Variants in AHI1 observed in about 807,000 individuals in gnomAD.
AHI1 encodes the protein jouberin.
A neutral mutation model predicts 149.3 loss-of-function variants in AHI1; 123 were observed. That is an observed-to-expected ratio of 0.82 (90% confidence interval 0.71 to 0.96). The LOEUF (loss-of-function observed/expected upper bound fraction) is 0.96, where lower values mean the gene tolerates loss of function less well. AHI1 is among the 40% of genes least tolerant of loss of function. The probability of loss-of-function intolerance (pLI) is 0.00; values close to 1 mark genes in which losing one functional copy is unlikely to be tolerated. For missense variants in AHI1, 1,439 were observed against 1,422.7 expected, an observed-to-expected ratio of 1.01 and a Z score of -0.18; for synonymous variants, 475 against 459.8, an observed-to-expected ratio of 1.03 and a Z score of -0.42.
chr6:135,494,404 A>G (rs1795690154), intron 3 of AHI1, among the ~76,000 whole-genome samples: 1 of 152,222 alleles, frequency 6.6e-6, no homozygotes, highest in Admixed American at 6.5e-5. Context: ...AAGGGCACTG[A>G]GCAGCTACAA....
intron 28 of AHI1, among the ~76,000 whole-genome samples, chr6:135,289,321 C>T (rs989017539): frequency 4.0e-5 from 6 of 151,834 alleles, no homozygotes; most frequent in Non-Finnish European, 8.8e-5. Context: ...CATGGCAAAA[C>T]CCTGACTCTA....
intron 20 of AHI1, among the ~76,000 whole-genome samples, chr6:135,422,302 A>G (rs1783289748): frequency 1.3e-5 from 2 of 152,158 alleles, no homozygotes; most frequent in Non-Finnish European, 2.9e-5. Flanking sequence ...AGATCACTTG[A>G]GACCAGGCCT....
chr6:135,465,292 A>C (rs988954531), intron 7 of AHI1, among the ~76,000 whole-genome samples: 2 of 152,244 alleles, frequency 1.3e-5, no homozygotes, highest in East Asian at 1.9e-4. Flanking sequence ...CACACTCTAT[A>C]TAGAAGTACA....
intron 24 of AHI1, among the ~76,000 whole-genome samples, chr6:135,327,366 C>T (rs1787862654): frequency 1.3e-5 from 2 of 152,232 alleles, no homozygotes; most frequent in South Asian, 4.1e-4. Context: ...TCATAAAACT[C>T]TACAACCAGC....
intron 24 of AHI1, among the ~76,000 whole-genome samples, chr6:135,331,572 G>A (rs1414920458): frequency 2.6e-5 from 4 of 152,130 alleles, no homozygotes; most frequent in South Asian, 2.1e-4. Flanking sequence ...TCTCAGTGAC[G>A]CCTGGTCAAT....
chr6:135,440,166 C>G (rs576268383), intron 14 of AHI1, among the ~76,000 whole-genome samples: 2 of 152,028 alleles, frequency 1.3e-5, no homozygotes, highest in African/African-American at 4.8e-5. Flanking sequence ...TCCCTAAAAG[C>G]CCCATCCCCA....
At chr6:135,358,357 G>T (rs1793318582) in intron 23 of AHI1, among the ~76,000 whole-genome samples, 170 bp from the exon 24 acceptor site, 1 of 152,130 alleles carries the variant, frequency 6.6e-6, no homozygotes, top group Non-Finnish European at 1.5e-5. Flanking sequence ...GAATTCTTTG[G>T]TCAGAAACAG....
chr6:135,448,328 G>A lies in AHI1; in HGVS notation c.1588C>T (p.Leu530=). 7 of 1,610,772 alleles carry A rather than the reference G, an allele frequency of 4.3e-6. No homozygotes were observed. Among genetic ancestry groups the A allele is most frequent in the Non-Finnish European group, 5.9e-6 (7 of 1,177,888 alleles). Residue 530 remains leucine (L), a synonymous_variant, in exon 12 of 29, where the codon CTG becomes TTG. Coordinates refer to ENST00000265602, the MANE Select transcript of AHI1 (RefSeq NM_001134831.2). ...KCPRNHYPST[L]YVTVRGLKVP... ...TTCAGTCCTCTTACAGTTACGTACAGTGTTGATGGGTAATGATTTCTTGGA... is the reference window on the plus strand; with the variant it reads ...TTCAGTCCTCTTACAGTTACGTACAATGTTGATGGGTAATGATTTCTTGGA...
chr6:135,407,697 T>A (rs1209953016), intron 21 of AHI1, among the ~76,000 whole-genome samples: 1 of 152,152 alleles, frequency 6.6e-6, no homozygotes, highest in Non-Finnish European at 1.5e-5. Flanking sequence ...GCTTCTCTCT[T>A]GCGTTTGATT....
Position 135,465,857 on chromosome 6 carries a change from TCC to T in AHI1, c.704_705del (p.Arg235LysfsTer11), listed in dbSNP as rs1260403458. ...AAGACTGGAACTTCCTTTTTCTTTTTCCTTTTTTCACTGCTTAGTTTGTCATC... is the reference window on the plus strand; with the variant it reads ...AAGACTGGAACTTCCTTTTTCTTTTTTTTTTTCACTGCTTAGTTTGTCATC... ...FHDDKLSSEKRKKKKEVPVFS... is the reference protein window; with the variant it reads ...FHDDKLSSEKXKKKKEVPVFS... On this transcript the variant is annotated frameshift_variant, in exon 7 of 29. Transcript: ENST00000265602. LOFTEE classifies it high-confidence loss of function. 6.7e-7 allele frequency: 1 copy of T among 1,488,168 alleles called. No individual in the cohort carries two copies. The highest frequency in any genetic ancestry group is 8.9e-7 in the Non-Finnish European group (1 of 1,123,054). The allele number at this position is 1,488,168 out of a possible 1,614,324, so 92.2% of individuals were successfully genotyped here.
intron 5 of AHI1, among the ~76,000 whole-genome samples, chr6:135,481,027 G>A (rs972917141): frequency 2.0e-5 from 3 of 152,148 alleles, no homozygotes; most frequent in African/African-American, 4.8e-5. Context: ...ACTGGCCCCT[G>A]GTGCCAAAAA....
chr6:135,313,361 T>C (rs1276722538), intron 26 of AHI1, among the ~76,000 whole-genome samples: 1 of 152,212 alleles, frequency 6.6e-6, no homozygotes, highest in East Asian at 1.9e-4. Flanking sequence ...CATCTTAAGA[T>C]TTAAAGCCTA....
chr6:135,287,684 T>C (rs934801052), intron 28 of AHI1, among the ~76,000 whole-genome samples: 2 of 152,238 alleles, frequency 1.3e-5, no homozygotes, highest in African/African-American at 4.8e-5. Flanking sequence ...AAGCCCTTTT[T>C]AAAGGCTCTT....
chr6:135,458,867 GA>G (rs1382600261), intron 8 of AHI1, among the ~76,000 whole-genome samples: 1 of 152,182 alleles, frequency 6.6e-6, no homozygotes, highest in African/African-American at 2.4e-5. Context: ...TTAGGGCTAT[GA>G]ATTATTAGAG....
At chr6:135,496,370 A>T (rs1003914386) in intron 2 of AHI1, among the ~76,000 whole-genome samples, 1 of 152,172 alleles carries the variant, frequency 6.6e-6, no homozygotes, top group Non-Finnish European at 1.5e-5. Flanking sequence ...CACCCACTTT[A>T]GCCTCCCAAA....
chr6:135,397,812 C>T (rs548594497), intron 22 of AHI1, among the ~76,000 whole-genome samples: 16 of 152,104 alleles, frequency 1.1e-4, no homozygotes, highest in African/African-American at 3.6e-4. Context: ...TTAGATAACA[C>T]GCTACATTCA....
chr6:135,492,367 C>A, intron 3 of AHI1, 76 bp from the exon 4 acceptor site: 1 of 1,437,046 alleles, frequency 7.0e-7, no homozygotes, highest in South Asian at 1.6e-5. Context: ...CACACAAGAT[C>A]ATGCCATTGT....
chr6:135,300,304 G>T (rs537304037), intron 27 of AHI1, among the ~76,000 whole-genome samples, 196 bp downstream of exon 27: 4 of 135,644 alleles, frequency 2.9e-5, no homozygotes, highest in African/African-American at 1.2e-4. Flanking sequence ...CAGCCTGGGT[G>T]ACACAGCAAG....
intron 24 of AHI1, among the ~76,000 whole-genome samples, chr6:135,343,954 A>G (rs1209775311): frequency 6.6e-6 from 1 of 152,008 alleles, no homozygotes; most frequent in Non-Finnish European, 1.5e-5. Flanking sequence ...AAGAGAAAAG[A>G]CAACCTACAG....
Sources: gnomAD v4.1 joint callset for allele counts (sites outside exome capture counted in the v4.1 genomes callset) on GRCh38, gnomAD v4.1.1 for gene constraint, MANE v1.5 for transcripts, NCBI Gene and HGNC (gene_info 2026-07-23, HGNC 2026-07-21) for gene names.